Variants in TPRG1 observed in about 807,000 individuals in gnomAD.
TPRG1 encodes tumor protein p63 regulated 1.
In TPRG1, 29 loss-of-function variants were observed where a neutral mutation model predicts 29.3. The observed-to-expected ratio is 0.99, with a 90% CI of 0.74 to 1.35. TPRG1 has a LOEUF of 1.35. TPRG1 is among the 40% of genes most tolerant of loss of function. The probability of loss-of-function intolerance (pLI) is 0.00; values close to 1 mark genes in which losing one functional copy is unlikely to be tolerated. For synonymous variants in TPRG1, 130 were observed against 116.8 expected (o/e 1.11, Z -0.73); for missense variants, 327 against 335.0 (o/e 0.98, Z 0.19).
At chr3:189,283,228 G>A (rs1717455862) in intron 4 of TPRG1, among the ~76,000 whole-genome samples, 1 of 152,118 alleles carries the variant, frequency 6.6e-6, no homozygotes, top group East Asian at 1.9e-4. Context: ...AATTATTCGT[G>A]CTTCATATTT....
At chr3:189,067,986 A>G (rs1716563820) in intron 4 of TPRG1, among the ~76,000 whole-genome samples, 1 of 152,202 alleles carries the variant, frequency 6.6e-6, no homozygotes, top group South Asian at 2.1e-4. Context: ...AAATCTAATA[A>G]TCTGATTAGA....
intron 1 of TPRG1, among the ~76,000 whole-genome samples, chr3:189,201,994 C>A (rs894588661): frequency 4.6e-5 from 7 of 152,050 alleles, no homozygotes; most frequent in African/African-American, 1.7e-4. Context: ...GAAAAACACC[C>A]CCAAACATGC....
chr3:189,261,301 G>A (rs1324683852), intron 4 of TPRG1, among the ~76,000 whole-genome samples: 1 of 151,928 alleles, frequency 6.6e-6, no homozygotes, highest in Non-Finnish European at 1.5e-5. Flanking sequence ...ATGATCTGGT[G>A]GAAGCTGGCA....
chr3:189,301,073 G>A (rs1259667421), intron 4 of TPRG1, among the ~76,000 whole-genome samples: 3 of 151,930 alleles, frequency 2.0e-5, no homozygotes, highest in African/African-American at 4.8e-5. Flanking sequence ...TGAGGCAGGC[G>A]GATCATGAGG....
At chr3:189,300,344 T>C (rs1268750526) in intron 4 of TPRG1, among the ~76,000 whole-genome samples, 1 of 152,226 alleles carries the variant, frequency 6.6e-6, no homozygotes, top group Non-Finnish European at 1.5e-5. Context: ...CTTAGCGCAT[T>C]GCCTGGAACA....
chr3:189,312,835 TTCC>T (rs1280438499), intron 5 of TPRG1, among the ~76,000 whole-genome samples: 1 of 152,174 alleles, frequency 6.6e-6, no homozygotes, highest in African/African-American at 2.4e-5. Context: ...TGCCCTAGCC[TTCC>T]CAGTAGCAAA....
At chr3:189,235,369 T>G (rs1395185373) in intron 3 of TPRG1, among the ~76,000 whole-genome samples, 1 of 151,888 alleles carries the variant, frequency 6.6e-6, no homozygotes. Flanking sequence ...CAGCAGATGA[T>G]GAAAGACTGA....
At chr3:189,074,275 C>T (rs1312405343) in intron 4 of TPRG1, among the ~76,000 whole-genome samples, 3 of 141,968 alleles carry the variant, frequency 2.1e-5, no homozygotes, top group Non-Finnish European at 4.5e-5. Context: ...GCGCGATCTG[C>T]GCTCATTGCA....
chr3:189,126,231 A>G (rs1722472835), intron 1 of TPRG1, among the ~76,000 whole-genome samples: 1 of 152,020 alleles, frequency 6.6e-6, no homozygotes, highest in South Asian at 2.1e-4. Context: ...AGTCAATTTG[A>G]CTCAGAAGAT....
intron 3 of TPRG1, among the ~76,000 whole-genome samples, chr3:189,145,460 G>A (rs1209495188): frequency 6.6e-6 from 1 of 152,066 alleles, no homozygotes; most frequent in African/African-American, 2.4e-5. Flanking sequence ...TCTGGCATTG[G>A]AGAGAGAATG....
chr3:189,150,718 C>T (rs904375878), exon 5 of TPRG1: 1 of 152,102 alleles, frequency 6.6e-6, no homozygotes, highest in African/African-American at 2.4e-5. Context: ...TCTCCGAGGC[C>T]AGATGGTCAC....
intron 4 of TPRG1, among the ~76,000 whole-genome samples, chr3:189,044,528 C>A (rs1191305597): frequency 6.7e-6 from 1 of 149,986 alleles, no homozygotes; most frequent in African/African-American, 2.5e-5. Context: ...GCACTCCAGC[C>A]TGGGTGATAA....
At chr3:189,238,506 A>G (rs948013271) in intron 3 of TPRG1, among the ~76,000 whole-genome samples, 5 of 152,108 alleles carry the variant, frequency 3.3e-5, no homozygotes, top group Non-Finnish European at 7.3e-5. Context: ...ACTATCTTTG[A>G]GTTCTGGGAT....
In TPRG1 at chr3:189,248,878, A is replaced by G. The variant is rs549530283; in HGVS notation, c.479+9969A>G. Among the ~76,000 whole-genome samples, 6 of 151,354 alleles carry G rather than the reference A, an allele frequency of 4.0e-5. No homozygotes were observed. The South Asian group carries it at 1.0e-3, about 26-fold the overall frequency. On this transcript the variant is annotated intron_variant, in intron 4 of 5. Transcript: ENST00000345063. ...TTTTATCAATTTCTTAAATACTTAAATGTGCTCTCTCTGCTTTCTACTTTC... is the reference window on the plus strand; with the variant it reads ...TTTTATCAATTTCTTAAATACTTAAGTGTGCTCTCTCTGCTTTCTACTTTC...
intron 4 of TPRG1, among the ~76,000 whole-genome samples, chr3:189,087,719 A>G (rs1161677271): frequency 6.6e-6 from 1 of 152,186 alleles, no homozygotes; most frequent in Admixed American, 6.5e-5. Context: ...TCAGCTTTCT[A>G]CAGATGTCTA....
intron 3 of TPRG1, among the ~76,000 whole-genome samples, chr3:189,228,403 G>A (rs1738122069): frequency 6.6e-6 from 1 of 151,800 alleles, no homozygotes; most frequent in South Asian, 2.1e-4. Context: ...AAAAAAAATT[G>A]GTGTAAAAAG....
intron 4 of TPRG1, among the ~76,000 whole-genome samples, chr3:189,088,393 G>T (rs1718104546): frequency 6.6e-6 from 1 of 152,180 alleles, no homozygotes; most frequent in Non-Finnish European, 1.5e-5. Flanking sequence ...AGCTTAAGGA[G>T]ATTTGGGGCT....
chr3:189,128,839 G>A (rs1304751364), intron 2 of TPRG1, among the ~76,000 whole-genome samples: 3 of 152,040 alleles, frequency 2.0e-5, no homozygotes, highest in Admixed American at 1.3e-4. Context: ...GCGCAATCTC[G>A]GCTCACTGCA....
intron 4 of TPRG1, among the ~76,000 whole-genome samples, chr3:189,284,409 G>T (rs1717701810): frequency 7.6e-6 from 1 of 131,130 alleles, no homozygotes; most frequent in Non-Finnish European, 1.5e-5. Flanking sequence ...CTGTGTCCAT[G>T]TGTTCTCATT....
Sources: gnomAD v4.1 joint callset for allele counts (sites outside exome capture counted in the v4.1 genomes callset) on GRCh38, gnomAD v4.1.1 for gene constraint, MANE v1.5 for transcripts, NCBI Gene and HGNC (gene_info 2026-07-23, HGNC 2026-07-21) for gene names.